RGS6: variants seen among roughly 807,000 people sequenced by gnomAD.
The protein encoded by RGS6 is regulator of G-protein signaling 6.
Under a neutral mutation model 78.5 loss-of-function variants are expected in RGS6, and 30 were observed. That is an observed-to-expected ratio of 0.38 (90% CI 0.29 to 0.52). RGS6 has a LOEUF of 0.52. Ranked by LOEUF, RGS6 falls within the 20% of genes least tolerant of loss-of-function variation. The probability of loss-of-function intolerance (pLI) is 0.85; values close to 1 mark genes in which losing one functional copy is unlikely to be tolerated. For missense variants in RGS6, 495 were observed against 609.7 expected, an observed-to-expected ratio of 0.81 and a Z score of 1.98; for synonymous variants, 206 against 206.0, an observed-to-expected ratio of 1.00 and a Z score of 0.00.
intron 3 of RGS6, among the ~76,000 whole-genome samples, chr14:72,363,396 A>G (rs150895145): frequency 6.6e-6 from 1 of 152,234 alleles, no homozygotes; most frequent in Non-Finnish European, 1.5e-5. Context: ...GCATCATTAA[A>G]TACTTATAAA....
chr14:72,358,991 G>A (rs1010601156), intron 3 of RGS6, among the ~76,000 whole-genome samples: 2 of 152,196 alleles, frequency 1.3e-5, no homozygotes, highest in African/African-American at 4.8e-5. Flanking sequence ...CCTCATGATA[G>A]TGAGTGAGTT....
chr14:71,917,521 T>C, the RGS6 span, among the ~76,000 whole-genome samples: 1 of 152,212 alleles, frequency 6.6e-6, no homozygotes, highest in East Asian at 1.9e-4. Flanking sequence ...GGGAAGCACC[T>C]GGTTTGTCTA....
At chr14:72,605,936 C>T in the RGS6 span, among the ~76,000 whole-genome samples, 3 of 152,220 alleles carry the variant, frequency 2.0e-5, no homozygotes, top group East Asian at 5.8e-4. Context: ...GCAGAACCAC[C>T]AATAGAAGAC....
intron 3 of RGS6, among the ~76,000 whole-genome samples, chr14:72,391,177 C>T (rs1047576633): frequency 3.3e-5 from 5 of 152,190 alleles, no homozygotes; most frequent in Non-Finnish European, 7.3e-5. Flanking sequence ...AATTGTTTTT[C>T]TCTTCTACAG....
At chr14:72,077,193 TTATTG>T in intron 2 of RGS6, among the ~76,000 whole-genome samples, 1 of 152,114 alleles carries the variant, frequency 6.6e-6, no homozygotes, top group Admixed American at 6.5e-5. Context: ...TTGTAATTAT[TTATTG>T]GTATAATTGA....
the RGS6 span, among the ~76,000 whole-genome samples, chr14:72,607,554 C>T: frequency 7.8e-4 from 119 of 152,318 alleles, 2 homozygotes; most frequent in Non-Finnish European, 1.4e-3. Flanking sequence ...GGGGACATAC[C>T]ATTCATACCA....
intron 3 of RGS6, 51 bp downstream of exon 3, chr14:72,352,245 T>G: frequency 7.1e-7 from 1 of 1,418,400 alleles, no homozygotes; most frequent in Non-Finnish European, 9.9e-7. Context: ...ACCAAAGAGT[T>G]ATAAGTCTAG....
At chr14:72,502,636 C>T (rs917566860) in intron 13 of RGS6, among the ~76,000 whole-genome samples, 1 of 152,134 alleles carries the variant, frequency 6.6e-6, no homozygotes, top group South Asian at 2.1e-4. Flanking sequence ...TGGTGGCAGG[C>T]AGCTGTAATC....
chr14:71,944,748 T>C (rs1404124643), intron 1 of RGS6, among the ~76,000 whole-genome samples: 1 of 152,184 alleles, frequency 6.6e-6, no homozygotes, highest in African/African-American at 2.4e-5. Flanking sequence ...AATAATACAG[T>C]CACGTGTCAC....
rs1424574454 is a variant in RGS6, at chr14:72,518,387, C to G, written c.1128C>G (p.Pro376=). ...CTGTCCAAGATCTTAAGAAACAACCCCTACAGGATGTGGCCAAGAGGGTAG... is the reference window on the plus strand; with the variant it reads ...CTGTCCAAGATCTTAAGAAACAACCGCTACAGGATGTGGCCAAGAGGGTAG... The part of the protein sequence containing the change: ...WLAVQDLKKQ[P]LQDVAKRVEE... The change falls in exon 15 of 18, where the codon CCC becomes CCG. Residue 376 remains proline, a synonymous_variant. Transcript: ENST00000553525. 6.2e-7 allele frequency: 1 copy of G among 1,614,180 alleles called. No homozygotes were observed. Among genetic ancestry groups the G allele is most frequent in the Non-Finnish European group, 8.5e-7 (1 of 1,180,008 alleles).
chr14:72,484,565 T>G (rs1440851858), intron 12 of RGS6, among the ~76,000 whole-genome samples: 1 of 152,140 alleles, frequency 6.6e-6, no homozygotes, highest in Non-Finnish European at 1.5e-5. Flanking sequence ...TCTATACAAT[T>G]TGTAGCAAAA....
chr14:72,469,036 G>T (rs763356837), intron 7 of RGS6, among the ~76,000 whole-genome samples: 4 of 152,012 alleles, frequency 2.6e-5, no homozygotes, highest in East Asian at 1.9e-4. Context: ...TCATTAGGGC[G>T]CCTGTCAAAC....
intron 2 of RGS6, among the ~76,000 whole-genome samples, chr14:72,124,180 C>T (rs932891891): frequency 2.0e-5 from 3 of 152,142 alleles, no homozygotes; most frequent in Non-Finnish European, 4.4e-5. Context: ...AATCTGTTTG[C>T]TGATACAGTC....
chr14:72,508,791 A>C (rs12885387), intron 13 of RGS6, among the ~76,000 whole-genome samples: 71,598 of 151,780 alleles, frequency 0.47, 18,345 homozygotes, highest in East Asian at 0.8. Flanking sequence ...GTTGAACTGT[A>C]GGTTCTGATT....
chr14:71,953,664 A>T (rs949233202), intron 1 of RGS6, among the ~76,000 whole-genome samples: 1 of 151,830 alleles, frequency 6.6e-6, no homozygotes, highest in Non-Finnish European at 1.5e-5. Flanking sequence ...TTTAAAAAAT[A>T]TTTTTTTTGT....
chr14:71,888,286 G>T, the RGS6 span, among the ~76,000 whole-genome samples: 1 of 152,026 alleles, frequency 6.6e-6, no homozygotes, highest in Admixed American at 6.6e-5. Context: ...AAATTAGCCA[G>T]GTGTGGTGGT....
intron 8 of RGS6, among the ~76,000 whole-genome samples, chr14:72,471,668 C>T (rs543103639): frequency 2.0e-5 from 3 of 152,292 alleles, no homozygotes; most frequent in Admixed American, 2.0e-4. Context: ...GTGAACCTCC[C>T]CCCACAGTCT....
At chr14:72,010,603 T>C (rs1464687280) in intron 2 of RGS6, among the ~76,000 whole-genome samples, 1 of 152,200 alleles carries the variant, frequency 6.6e-6, no homozygotes, top group African/African-American at 2.4e-5. Context: ...CAGGGGGCCA[T>C]CGTTTTGGAC....
At chr14:72,300,929 G>A (rs2065920695) in intron 2 of RGS6, among the ~76,000 whole-genome samples, 1 of 152,208 alleles carries the variant, frequency 6.6e-6, no homozygotes, top group African/African-American at 2.4e-5. Context: ...TATTAAATGA[G>A]GCAGTGTGGC....
Sources: allele counts gnomAD v4.1 joint callset (sites outside exome capture counted in the v4.1 genomes callset), GRCh38; gene constraint gnomAD v4.1.1; transcripts MANE v1.5; gene names NCBI Gene and HGNC (gene_info 2026-07-23, HGNC 2026-07-21).